OVCH2: variants seen among roughly 807,000 people sequenced by gnomAD.
OVCH2 encodes ovochymase 2, also known as ovochymase-2.
OVCH2 carries 88 observed loss-of-function variants against 73.7 expected under a neutral mutation model. That is an observed-to-expected ratio of 1.19 (90% CI 1.01 to 1.43). The LOEUF is 1.43. Ranked by LOEUF, OVCH2 falls within the 40% of genes most tolerant of loss-of-function variation. The pLI, the probability that OVCH2 is intolerant of heterozygous loss-of-function variation, is 0.00. For synonymous variants in OVCH2, 265 were observed against 234.5 expected, an observed-to-expected ratio of 1.13 and a Z score of -1.19; for missense variants, 706 against 674.5, an observed-to-expected ratio of 1.05 and a Z score of -0.52.
chr11:7,704,619 A>C lies in OVCH2; in HGVS notation c.144T>G (p.Ile48Met). 1 of 1,613,046 alleles carries C rather than the reference A, an allele frequency of 6.2e-7. No homozygotes were observed. Among genetic ancestry groups the C allele is most frequent in the Non-Finnish European group, 8.5e-7 (1 of 1,179,508 alleles). ...VKVQPWNYFNIFSRILGGSQV... is the reference protein window; with the variant it reads ...VKVQPWNYFNMFSRILGGSQV... ...GGCTTCCTCCAAGAATGCGACTGAA[A>C]ATGTTAAAATAATTCCAAGGCTGTA... Residue 48 changes from isoleucine to methionine, a missense_variant, in exon 2 of 16, where the codon ATT becomes ATG. Transcript: ENST00000533663.
downstream of OVCH2, among the ~76,000 whole-genome samples, chr11:7,687,641 G>A (rs1856157318): frequency 6.6e-6 from 1 of 152,026 alleles, no homozygotes; most frequent in Admixed American, 6.6e-5. Flanking sequence ...CAAATCCAAA[G>A]GCCTCTTTTC....
chr11:7,684,506 ATGTGTG>A (rs55770590), downstream of OVCH2, among the ~76,000 whole-genome samples: 6,056 of 141,304 alleles, frequency 0.043, 408 homozygotes, highest in African/African-American at 0.14. Context: ...ATACATACAT[ATGTGTG>A]TGTGTGTGTG....
At position 7,701,775 on chromosome 11, in the gene OVCH2, C is replaced by T. The variant is rs530447062; in HGVS notation, c.500G>A (p.Arg167Gln). 82 of 1,612,346 alleles carry T rather than the reference C, an allele frequency of 5.1e-5. No homozygotes were observed. Among genetic ancestry groups the T allele is most frequent in the Non-Finnish European group, 5.7e-5 (67 of 1,179,384 alleles). The change falls in exon 5 of 16, where the codon CGG (arginine) becomes CAG (glutamine). Residue 167 changes from arginine to glutamine, a missense_variant. By Grantham distance (43) the Arg-to-Gln change is conservative. Transcript: ENST00000533663. ...AATAAAACCAGCCTCAAATTGCTCC[C>T]GCAGCTCTGGAAGACATATGGGCCC... ...FVGPICLPEL[R>Q]EQFEAGFICT... is the part of the protein sequence containing the mutation.
At chr11:7,706,089 T>G (rs942447239) in intron 1 of OVCH2, 13 of 450,044 alleles carry the variant, frequency 2.9e-5, no homozygotes, top group African/African-American at 2.7e-4. Flanking sequence ...GATTGTTTAC[T>G]TAATTGGATA....
At chr11:7,684,580 T>G (rs967989945), downstream of OVCH2, among the ~76,000 whole-genome samples, 3 of 150,938 alleles carry the variant, frequency 2.0e-5, no homozygotes, top group Non-Finnish European at 4.4e-5. Context: ...TAAGCTATAT[T>G]AGAGCACATT....
rs34314441 is a variant in OVCH2 at position 7,694,803 on chromosome 11, C to CTTTTTT, written c.1413+249_1413+254dup. On this transcript the variant is annotated intron_variant, in intron 12 of 15. Coordinates refer to ENST00000533663, the MANE Select transcript of OVCH2 (RefSeq NM_198185.7). ...ATTCAATACAAAGATTAAAGCGGCA[C>CTTTTTT]TTTTTTTTTTTTTTTTTTTTTTTAA... Among the ~76,000 whole-genome samples, 276 of 108,362 alleles carry CTTTTTT rather than the reference C, an allele frequency of 2.5e-3. 4 individuals are homozygous for CTTTTTT. Among genetic ancestry groups the CTTTTTT allele is most frequent in the African/African-American group, 9.4e-3 (259 of 27,576 alleles). The allele number at this position is 108,362 out of a possible 152,430, so 71.1% of individuals were successfully genotyped here. A position where few individuals can be genotyped will look rare whatever the true frequency, so the allele number is the denominator to read the frequency against.
chr11:7,700,112 C>G, intron 7 of OVCH2, 184 bp downstream of exon 7: 1 of 602,346 alleles, frequency 1.7e-6, no homozygotes, highest in Non-Finnish European at 2.9e-6. Flanking sequence ...GCATGCTGCT[C>G]CACATACCAT....
rs1321031092 is a variant in OVCH2 at position 7,691,360 on chromosome 11, G to A, written c.1548C>T (p.Ser516=). Residue 516 remains serine, a synonymous_variant, in exon 14 of 16, where the codon AGC becomes AGT. Transcript: ENST00000533663. ...CGYDVPTPVL[S]PSSIMLISFQ... The stretch of plus-strand genomic sequence containing the variant: ...AGCTGATGAGCATGATGCTGGAGGG[G>A]CTCAGCACAGGGGTGGGGACATCAT... 4 of 1,613,726 alleles carry A rather than the reference G, an allele frequency of 2.5e-6. No individual in the cohort carries two copies. The Admixed American group carries it at 6.7e-5, about 27-fold the overall frequency.
downstream of OVCH2, among the ~76,000 whole-genome samples, chr11:7,686,139 C>T (rs1040668480): frequency 1.3e-5 from 2 of 152,220 alleles, no homozygotes; most frequent in Non-Finnish European, 2.9e-5. Context: ...AGAGGTAGCA[C>T]AGCACTGTGC....
chr11:7,695,423 C>G, intron 11 of OVCH2, 147 bp downstream of exon 11: 1 of 946,570 alleles, frequency 1.1e-6, no homozygotes, highest in Non-Finnish European at 1.6e-6. Context: ...GAGACTGCCC[C>G]CTGTTCTCTA....
intron 8 of OVCH2, among the ~76,000 whole-genome samples, chr11:7,697,394 A>C (rs1307720235): frequency 1.3e-5 from 2 of 152,086 alleles, no homozygotes; most frequent in African/African-American, 2.4e-5. Flanking sequence ...GGTATTTCCC[A>C]GCTTCTAGCC....
chr11:7,695,055 T>C lies in OVCH2; in HGVS notation c.1413+3A>G, dbSNP rs1471698923. 6.5e-7 allele frequency: 1 copy of C among 1,549,098 alleles called. No homozygotes were observed. Among genetic ancestry groups the C allele is most frequent in the South Asian group, 1.2e-5 (1 of 83,040 alleles). ...GCTACGTAAGGACAGCCAAAGTCAATACCTTAATTAGGTGATGTTTGGAGG... is the reference window on the plus strand; with the variant it reads ...GCTACGTAAGGACAGCCAAAGTCAACACCTTAATTAGGTGATGTTTGGAGG... On this transcript the variant is annotated splice_donor_region_variant and intron_variant, in intron 12 of 15. Coordinates refer to ENST00000533663, the MANE Select transcript of OVCH2 (RefSeq NM_198185.7).
chr11:7,701,195 T>C, intron 6 of OVCH2, 129 bp downstream of exon 6: 2 of 1,221,264 alleles, frequency 1.6e-6, no homozygotes, highest in Non-Finnish European at 2.2e-6. Flanking sequence ...TTCAAGACTA[T>C]TCTTTATTCT....
At chr11:7,701,971 T>G (rs997503280) in intron 4 of OVCH2, among the ~76,000 whole-genome samples, 160 bp from the exon 5 acceptor site, 3 of 152,178 alleles carry the variant, frequency 2.0e-5, no homozygotes, top group Non-Finnish European at 2.9e-5. Flanking sequence ...AAAGAAAACC[T>G]TCTCCTGACT....
the OVCH2 span, among the ~76,000 whole-genome samples, chr11:7,680,090 T>A: frequency 1.0e-3 from 159 of 152,316 alleles, 1 homozygote; most frequent in Non-Finnish European, 3.8e-4. Context: ...TATGAGCAAC[T>A]CCAGCAAATT....
chr11:7,696,550 A>G lies in OVCH2; in HGVS notation c.1056T>C (p.His352=), dbSNP rs182666528. Residue 352 remains histidine, a synonymous_variant, in exon 10 of 16, where the codon CAT becomes CAC. Transcript: ENST00000533663. The part of the protein sequence containing the change: ...VWTLLVPEEM[H]VLLSFSHLDV... ...CTAGGTGGGAAAAACTGAGCAACACATGCATTTCCTCTGGTACCAGCAGGG... is the reference window on the plus strand; with the variant it reads ...CTAGGTGGGAAAAACTGAGCAACACGTGCATTTCCTCTGGTACCAGCAGGG... 4 of 1,613,908 alleles carry G rather than the reference A, an allele frequency of 2.5e-6. No homozygotes were observed. In the East Asian group the frequency reaches 6.7e-5, roughly 27 times the overall value.
the OVCH2 span, among the ~76,000 whole-genome samples, chr11:7,683,277 C>A: frequency 6.6e-6 from 1 of 152,300 alleles, no homozygotes; most frequent in African/African-American, 2.4e-5. Flanking sequence ...CCGCTCCCCG[C>A]CCCGACCCCA....
downstream of OVCH2, among the ~76,000 whole-genome samples, chr11:7,687,700 C>T (rs1489949904): frequency 2.0e-5 from 3 of 152,032 alleles, no homozygotes; most frequent in Non-Finnish European, 2.9e-5. Context: ...TCATTGACAC[C>T]TCTTTCCCCT....
At chr11:7,698,901 TG>T (rs1435356325) in intron 7 of OVCH2, 128 bp from the exon 8 acceptor site, 1 of 945,566 alleles carries the variant, frequency 1.1e-6, no homozygotes, top group African/African-American at 1.7e-5. Context: ...ATCTTATCTG[TG>T]GAAAGAAGGG....
Sources: allele counts gnomAD v4.1 joint callset (sites outside exome capture counted in the v4.1 genomes callset), GRCh38; gene constraint gnomAD v4.1.1; transcripts MANE v1.5; gene names NCBI Gene and HGNC (gene_info 2026-07-23, HGNC 2026-07-21).